FILIP1: variants seen among roughly 807,000 people sequenced by gnomAD.
FILIP1 encodes the protein filamin A interacting protein 1.
In FILIP1, 61 loss-of-function variants were observed where a neutral mutation model predicts 102.1. The observed-to-expected ratio is 0.60, with a 90% CI of 0.49 to 0.74. The LOEUF is 0.74. Among genes scored for constraint, FILIP1 ranks in the 30% least tolerant of loss-of-function variants. FILIP1 has a pLI of 0.00. For missense variants in FILIP1, 1,314 were observed against 1,441.2 expected (o/e 0.91, Z 1.43); for synonymous variants, 491 against 526.9 (o/e 0.93, Z 0.93).
intron 4 of FILIP1, among the ~76,000 whole-genome samples, chr6:75,337,299 C>T (rs1396692367): frequency 6.6e-6 from 1 of 152,134 alleles, no homozygotes; most frequent in Non-Finnish European, 1.5e-5. Context: ...ACAGAGTATC[C>T]AGGCTCCTAT....
chr6:75,439,698 T>C (rs1295119360), intron 1 of FILIP1, among the ~76,000 whole-genome samples: 1 of 152,232 alleles, frequency 6.6e-6, no homozygotes, highest in Non-Finnish European at 1.5e-5. Flanking sequence ...GAGAATGTCC[T>C]GGAGAGCAAG....
intron 3 of FILIP1, among the ~76,000 whole-genome samples, chr6:75,357,906 C>G (rs534718713): frequency 6.6e-6 from 1 of 152,216 alleles, no homozygotes; most frequent in Admixed American, 6.5e-5. Context: ...ATCATAGATA[C>G]TATATGTACA....
At chr6:75,439,097 G>A (rs1457972080) in intron 1 of FILIP1, among the ~76,000 whole-genome samples, 1 of 152,204 alleles carries the variant, frequency 6.6e-6, no homozygotes, top group Admixed American at 6.5e-5. Flanking sequence ...CAGAGGTCCT[G>A]CATTATAGCA....
chr6:75,402,631 AG>A (rs1474722940), intron 2 of FILIP1, among the ~76,000 whole-genome samples: 1 of 152,220 alleles, frequency 6.6e-6, no homozygotes, highest in African/African-American at 2.4e-5. Context: ...TAAAGAAAAA[AG>A]TGATAAATGG....
chr6:75,485,190 G>T (rs1582574854), intron 1 of FILIP1, among the ~76,000 whole-genome samples: 1 of 152,180 alleles, frequency 6.6e-6, no homozygotes, highest in East Asian at 1.9e-4. Flanking sequence ...CAAGAAAACA[G>T]ACAGCCTTCG....
At chr6:75,301,483 T>C (rs73453718) in intron 6 of FILIP1, among the ~76,000 whole-genome samples, 10 of 152,340 alleles carry the variant, frequency 6.6e-5, no homozygotes, top group African/African-American at 2.4e-4. Flanking sequence ...TTGTCTTCTT[T>C]AGTAATAGTA....
intron 1 of FILIP1, among the ~76,000 whole-genome samples, chr6:75,468,607 T>C (rs901763702): frequency 6.6e-5 from 10 of 152,246 alleles, no homozygotes; most frequent in Middle Eastern, 3.4e-3. Flanking sequence ...ATATAAAGTA[T>C]AAAATAAAAG....
intron 2 of FILIP1, among the ~76,000 whole-genome samples, chr6:75,364,550 T>C (rs1348026914): frequency 3.3e-5 from 5 of 152,200 alleles, no homozygotes; most frequent in Non-Finnish European, 5.9e-5. Context: ...TCATCTGACA[T>C]AGGTGAATAT....
chr6:75,331,215 C>T (rs575085566), intron 4 of FILIP1, among the ~76,000 whole-genome samples: 3 of 152,018 alleles, frequency 2.0e-5, no homozygotes, highest in Non-Finnish European at 4.4e-5. Context: ...CTAGTAAATA[C>T]CACTTAGTCA....
chr6:75,441,353 A>G (rs893894466), intron 1 of FILIP1, among the ~76,000 whole-genome samples: 27 of 152,218 alleles, frequency 1.8e-4, no homozygotes, highest in Non-Finnish European at 3.7e-4. Context: ...TTAGTACAGA[A>G]CAAAATGAAG....
chr6:75,389,764 T>G (rs572783965), intron 2 of FILIP1, among the ~76,000 whole-genome samples: 31 of 152,224 alleles, frequency 2.0e-4, no homozygotes, highest in African/African-American at 7.2e-4. Flanking sequence ...TTCTCTCTTT[T>G]CTTCTTTACT....
At chr6:75,487,739 C>T (rs571604396) in intron 1 of FILIP1, among the ~76,000 whole-genome samples, 8 of 151,634 alleles carry the variant, frequency 5.3e-5, no homozygotes, top group African/African-American at 1.5e-4. Context: ...CTGATGTGTC[C>T]GTTTCATACC....
chr6:75,331,655 T>C (rs1774087596), intron 4 of FILIP1, among the ~76,000 whole-genome samples: 1 of 152,112 alleles, frequency 6.6e-6, no homozygotes, highest in African/African-American at 2.4e-5. Context: ...GTATAACCCA[T>C]GTGGCATATT....
At position 75,308,895 on chromosome 6, in the gene FILIP1, T is replaced by C; in HGVS notation, c.3438A>G (p.Ser1146=). The change falls in exon 6 of 6, where the codon TCA becomes TCG. Residue 1146 remains serine, a splice_region_variant and synonymous_variant. Transcript: ENST00000237172. The part of the protein sequence containing the change: ...TSSARGTQSV[S]GQDGSSQRPT... ...GCCGCTGGGATGACCCGTCTTGTCC[T>C]GACTGTAAGAGAGAAAATACGTAGA... is the stretch of plus-strand genomic sequence containing the variant. 6.2e-7 allele frequency: 1 copy of C among 1,613,952 alleles called. No homozygotes were observed. The highest frequency in any genetic ancestry group is 8.5e-7 in the Non-Finnish European group (1 of 1,179,902).
At chr6:75,486,707 A>T (rs1440154595) in intron 1 of FILIP1, among the ~76,000 whole-genome samples, 4 of 152,162 alleles carry the variant, frequency 2.6e-5, no homozygotes. Flanking sequence ...TCTGTAAAAT[A>T]GTGATAAAAA....
intron 2 of FILIP1, among the ~76,000 whole-genome samples, chr6:75,372,459 G>A (rs781630193): frequency 6.7e-6 from 1 of 149,396 alleles, no homozygotes; most frequent in Non-Finnish European, 1.5e-5. Context: ...ATGGGCAAAG[G>A]ACTCAAATAG....
chr6:75,293,954 A>C (rs1340368631), exon 7 of FILIP1: 4 of 151,852 alleles, frequency 2.6e-5, no homozygotes, highest in Non-Finnish European at 1.5e-5. Flanking sequence ...ACACATACAC[A>C]CTCCAGTTTT....
At chr6:75,362,991 G>C in intron 2 of FILIP1, 74 bp from the exon 3 acceptor site, 1 of 1,430,342 alleles carries the variant, frequency 7.0e-7, no homozygotes, top group Non-Finnish European at 9.7e-7. Context: ...AATCAACAGA[G>C]AGCTTATTGA....
chr6:75,396,957 T>C (rs940914335), intron 2 of FILIP1, among the ~76,000 whole-genome samples: 2 of 140,096 alleles, frequency 1.4e-5, no homozygotes, highest in African/African-American at 2.7e-5. Flanking sequence ...TAGGTGGGAA[T>C]TGAGCAACGA....
Sources: allele counts gnomAD v4.1 joint callset (sites outside exome capture counted in the v4.1 genomes callset), GRCh38; gene constraint gnomAD v4.1.1; transcripts MANE v1.5; gene names NCBI Gene and HGNC (gene_info 2026-07-23, HGNC 2026-07-21).